PRKAR1B: variants seen among roughly 807,000 people sequenced by gnomAD.
The protein encoded by PRKAR1B is protein kinase cAMP-dependent type I regulatory subunit beta.
In PRKAR1B, 22 loss-of-function variants were observed where a neutral mutation model predicts 46.5. That is an observed-to-expected ratio of 0.47 (90% CI 0.34 to 0.68). The LOEUF (loss-of-function observed/expected upper bound fraction) is 0.68. PRKAR1B is among the 30% of genes least tolerant of loss of function. The pLI, the probability that PRKAR1B is intolerant of heterozygous loss-of-function variation, is 0.01. For missense variants in PRKAR1B, 445 were observed against 535.6 expected (o/e 0.83, Z 1.67); for synonymous variants, 259 against 217.7 (o/e 1.19, Z -1.67).
At chr7:607,730 A>G (rs1782184350) in intron 4 of PRKAR1B, 1 of 351,782 alleles carries the variant, frequency 2.8e-6, no homozygotes, top group South Asian at 3.8e-5. Context: ...GTCATGCCAT[A>G]CATGCATTTT....
chr7:578,614 A>C (rs375140622), intron 9 of PRKAR1B, among the ~76,000 whole-genome samples: 2 of 142,142 alleles, frequency 1.4e-5, no homozygotes, highest in African/African-American at 5.3e-5. Flanking sequence ...CCCCCACCCC[A>C]CTCCCTCCTC....
intron 9 of PRKAR1B, among the ~76,000 whole-genome samples, chr7:568,752 A>G (rs1339233126): frequency 6.6e-6 from 1 of 152,212 alleles, no homozygotes; most frequent in East Asian, 1.9e-4. Flanking sequence ...CTTTACGGCA[A>G]TAGTCTTTGC....
At position 685,279 on chromosome 7, in the gene PRKAR1B, CGTATATATATGT is replaced by C. The variant is rs1778963586; in HGVS notation, c.178-4565_178-4554del. Reference sequence around the variant, plus strand: ...ATATATACATATATACGTATATATACGTATATATATGTATACATATATATATACGTATATATA... The same window carrying C: ...ATATATACATATATACGTATATATACATACATATATATATACGTATATATA... On this transcript the variant is annotated intron_variant, in intron 2 of 10. Transcript: ENST00000537384. Among the ~76,000 whole-genome samples, 42 of 19,544 alleles carry C rather than the reference CGTATATATATGT, an allele frequency of 2.1e-3. 7 individuals carry two copies. The highest frequency in any genetic ancestry group is 7.4e-3 in the African/African-American group (42 of 5,714). The allele number at this position is 19,544 out of a possible 152,430, so 12.8% of individuals were successfully genotyped here. A position where few individuals can be genotyped will look rare whatever the true frequency, so the allele number is the denominator to read the frequency against.
rs141585590 is a variant in PRKAR1B at position 618,347 on chromosome 7, G to A, written c.441-10895C>T. 5.2e-3 allele frequency among the ~76,000 whole-genome samples: 786 copies of A among 152,206 alleles called. 12 individuals are homozygous for A. Among genetic ancestry groups the A allele is most frequent in the African/African-American group, 0.018 (742 of 41,512 alleles). On this transcript the variant is annotated intron_variant, in intron 4 of 10. Transcript: ENST00000537384. ...AAATATGGAGCACTCAGTTCATGCC[G>A]CTCTGTGATCTGTTCTTGTTTTGCC...
chr7:588,279 G>A (rs779118531), intron 7 of PRKAR1B, among the ~76,000 whole-genome samples: 8 of 152,252 alleles, frequency 5.3e-5, no homozygotes, highest in Non-Finnish European at 1.0e-4. Flanking sequence ...TCCACTCAAC[G>A]TGGACAAGTA....
chr7:563,510 G>A (rs1482863253), intron 9 of PRKAR1B, among the ~76,000 whole-genome samples: 1 of 152,260 alleles, frequency 6.6e-6, no homozygotes, highest in Non-Finnish European at 1.5e-5. Context: ...AGCTGCTTCA[G>A]CCTCTGCAAC....
intron 9 of PRKAR1B, among the ~76,000 whole-genome samples, chr7:577,219 A>G (rs1051979063): frequency 4.6e-5 from 7 of 152,222 alleles, no homozygotes; most frequent in African/African-American, 1.4e-4. Flanking sequence ...GAAGTTGCCA[A>G]ACATCCACTG....
chr7:672,783 G>T (rs1232713962), intron 4 of PRKAR1B, among the ~76,000 whole-genome samples: 1 of 151,890 alleles, frequency 6.6e-6, no homozygotes, highest in African/African-American at 2.4e-5. Flanking sequence ...CAGGGGAATC[G>T]CTTGAACCCG....
At chr7:702,799 G>C (rs1780131135) in intron 2 of PRKAR1B, among the ~76,000 whole-genome samples, 1 of 151,928 alleles carries the variant, frequency 6.6e-6, no homozygotes, top group Non-Finnish European at 1.5e-5. Context: ...CTCCAGCCTG[G>C]GCAAACGGGG....
intron 2 of PRKAR1B, among the ~76,000 whole-genome samples, chr7:694,311 G>A (rs767243884): frequency 3.3e-5 from 5 of 151,530 alleles, no homozygotes; most frequent in South Asian, 2.1e-4. Flanking sequence ...AGTGAGACCC[G>A]GACTTGGGAA....
chr7:696,734 T>C (rs1779762204), intron 2 of PRKAR1B: 1 of 152,274 alleles, frequency 6.6e-6, no homozygotes, highest in African/African-American at 2.4e-5. Context: ...TCCCAGTCTC[T>C]TGGCTGAAAG....
At position 558,993 on chromosome 7, in the gene PRKAR1B, G is replaced by A. The variant is rs561749388; in HGVS notation, c.892-7523C>T. Among the ~76,000 whole-genome samples the A allele has an allele frequency of 2.0e-5, 3 of 152,320 alleles. 1 individual carries two copies. The highest frequency in any genetic ancestry group is 4.1e-4 in the South Asian group (2 of 4,832). On this transcript the variant is annotated intron_variant, in intron 9 of 10. Coordinates refer to ENST00000537384, the MANE Select transcript of PRKAR1B (RefSeq NM_001164760.2). ...TGCCACAGGCGTGGACGGCGGCCCC[G>A]TCCCAGCCAGGTTCCCATGGACACA... is the stretch of plus-strand genomic sequence containing the variant.
At chr7:674,787 C>G (rs903948061) in intron 4 of PRKAR1B, among the ~76,000 whole-genome samples, 1 of 152,258 alleles carries the variant, frequency 6.6e-6, no homozygotes, top group East Asian at 1.9e-4. Flanking sequence ...AACCACTGCT[C>G]AACCACAGAA....
At chr7:663,408 T>C (rs754928667) in intron 4 of PRKAR1B, among the ~76,000 whole-genome samples, 13 of 152,068 alleles carry the variant, frequency 8.5e-5, no homozygotes, top group Non-Finnish European at 1.6e-4. Flanking sequence ...TTTTAATTTT[T>C]AGGAGGAGGG....
chr7:690,086 C>G (rs1399317973), intron 2 of PRKAR1B, among the ~76,000 whole-genome samples: 1 of 151,762 alleles, frequency 6.6e-6, no homozygotes, highest in Non-Finnish European at 1.5e-5. Context: ...CACTTGAGGC[C>G]AGGAGTTCGA....
At chr7:592,295 C>T (rs1221546982) in intron 7 of PRKAR1B, among the ~76,000 whole-genome samples, 1 of 152,240 alleles carries the variant, frequency 6.6e-6, no homozygotes, top group Non-Finnish European at 1.5e-5. Context: ...GGCTCGGGGA[C>T]CCTCCGTGAC....
chr7:592,458 C>T (rs546055058), intron 7 of PRKAR1B, among the ~76,000 whole-genome samples: 19 of 146,710 alleles, frequency 1.3e-4, no homozygotes, highest in Admixed American at 1.2e-3. Context: ...CTCCGGACAT[C>T]GGTCCCTTCC....
rs747945652 is a variant in PRKAR1B at position 550,516 on chromosome 7, G to A, written c.1060C>T (p.Arg354Cys). 2 of 1,603,894 alleles carry A rather than the reference G, an allele frequency of 1.2e-6. No homozygotes were observed. The highest frequency in any genetic ancestry group is 1.7e-6 in the Non-Finnish European group (2 of 1,175,918). Reference sequence around the variant, plus strand: ...CAGGGCCCCAGCACACGCTCGAAGCGGGGCCGGTCCAGCTTCACACACTTG... The same window carrying A: ...CAGGGCCCCAGCACACGCTCGAAGCAGGGCCGGTCCAGCTTCACACACTTG... ...PLKCVKLDRPRFERVLGPCSE... is the reference protein window; with the variant it reads ...PLKCVKLDRPCFERVLGPCSE... The change falls in exon 11 of 11, where the codon CGC becomes TGC. Residue 354 changes from arginine to cysteine, a missense_variant. Arg to Cys is a radical substitution (Grantham distance 180). Transcript: ENST00000537384.
chr7:700,855 T>C (rs1368787363), intron 2 of PRKAR1B, among the ~76,000 whole-genome samples: 4 of 152,022 alleles, frequency 2.6e-5, no homozygotes, highest in Non-Finnish European at 5.9e-5. Context: ...GGAAAGACCT[T>C]GTGAGTTTGA....
Sources: allele counts gnomAD v4.1 joint callset (sites outside exome capture counted in the v4.1 genomes callset), GRCh38; gene constraint gnomAD v4.1.1; transcripts MANE v1.5; gene names NCBI Gene and HGNC (gene_info 2026-07-23, HGNC 2026-07-21).